TTC7A: variants seen among roughly 807,000 people sequenced by gnomAD.
TTC7A encodes tetratricopeptide repeat protein 7A.
In TTC7A, 110 loss-of-function variants were observed where a neutral mutation model predicts 103.7. The observed-to-expected ratio is 1.06, with a 90% CI of 0.91 to 1.24. The LOEUF (loss-of-function observed/expected upper bound fraction) is 1.24, where lower values mean the gene tolerates loss of function less well. Ranked by LOEUF, TTC7A falls within the 50% of genes most tolerant of loss-of-function variation. The probability of loss-of-function intolerance (pLI) is 0.00; values close to 1 mark genes in which losing one functional copy is unlikely to be tolerated. For missense variants in TTC7A, 1,340 were observed against 1,116.3 expected, an observed-to-expected ratio of 1.20 and a Z score of -2.86; for synonymous variants, 521 against 467.9, an observed-to-expected ratio of 1.11 and a Z score of -1.47.
At chr2:47,031,973 T>A (rs529800127) in intron 15 of TTC7A, among the ~76,000 whole-genome samples, 1 of 152,316 alleles carries the variant, frequency 6.6e-6, no homozygotes, top group Non-Finnish European at 1.5e-5. Context: ...TCCCAGGCTC[T>A]TGGACTGGGC....
intron 19 of TTC7A, 143 bp downstream of exon 19, chr2:47,061,114 T>C: frequency 1.2e-6 from 1 of 812,602 alleles, no homozygotes; most frequent in Non-Finnish European, 1.9e-6. Context: ...GGAGGGGGCT[T>C]CCCTCCTGCT....
rs1558499471 is a variant in TTC7A at position 46,950,404 on chromosome 2, C to T, written c.226C>T (p.Gln76Ter). 6.2e-7 allele frequency: 1 copy of T among 1,614,122 alleles called. No individual in the cohort carries two copies. Among genetic ancestry groups the T allele is most frequent in the Non-Finnish European group, 8.5e-7 (1 of 1,180,020 alleles). ...GCTGCTGGCTGAGGCCCTCCTGGAGCAGTGTTTGAAGGAGAACCATGCCAA... is the reference window on the plus strand; with the variant it reads ...GCTGCTGGCTGAGGCCCTCCTGGAGTAGTGTTTGAAGGAGAACCATGCCAA... Reference protein sequence around the residue: ...KLLLAEALLEQCLKENHAKIK... With the variant: ...KLLLAEALLE Residue 76 changes from glutamine (Q) to a stop codon, truncating the protein, a stop_gained, in exon 2 of 20, where the codon CAG (glutamine) becomes TAG (stop). Coordinates refer to ENST00000319190, the MANE Select transcript of TTC7A (RefSeq NM_020458.4). LOFTEE classifies it high-confidence loss of function.
rs764543484 is a variant in TTC7A at position 47,073,911 on chromosome 2, CAG to C, written c.2570_2571del (p.Glu857AlafsTer72). 6.2e-7 allele frequency: 1 copy of C among 1,611,932 alleles called. No individual in the cohort carries two copies. On this transcript the variant is annotated frameshift_variant, in exon 20 of 20. Coordinates refer to ENST00000319190, the MANE Select transcript of TTC7A (RefSeq NM_020458.4). LOFTEE classifies it high-confidence loss of function. ...SPVLPFSIIP[R>X]EL ...CTGTACTGCCCTTCTCCATCATCCC[CAG>C]AGAGCTCTGACGACGCTGCAGCCGC...
chr2:47,048,322 T>C (rs1315746575), intron 16 of TTC7A, among the ~76,000 whole-genome samples: 1 of 152,174 alleles, frequency 6.6e-6, no homozygotes, highest in Non-Finnish European at 1.5e-5. Context: ...GTCCTGGAGA[T>C]GGACTCTTTG....
At chr2:47,020,985 T>G (rs1303679659) in intron 11 of TTC7A, among the ~76,000 whole-genome samples, 4 of 152,210 alleles carry the variant, frequency 2.6e-5, no homozygotes, top group Non-Finnish European at 4.4e-5. Context: ...GCCCATGGCT[T>G]GGGGCTTTGA....
chr2:47,044,844 G>T (rs1226279404), intron 15 of TTC7A, among the ~76,000 whole-genome samples: 1 of 152,240 alleles, frequency 6.6e-6, no homozygotes, highest in Non-Finnish European at 1.5e-5. Flanking sequence ...GGAAAGATGG[G>T]CAGAGAGTAA....
intron 18 of TTC7A, among the ~76,000 whole-genome samples, chr2:47,056,516 G>A (rs1010715168): frequency 3.0e-4 from 46 of 152,228 alleles, no homozygotes. Context: ...CTGCAAAGGG[G>A]GTGTGGAAAT....
At chr2:46,977,749 G>T (rs1288925633) in intron 4 of TTC7A, among the ~76,000 whole-genome samples, 1 of 152,152 alleles carries the variant, frequency 6.6e-6, no homozygotes, top group East Asian at 1.9e-4. Flanking sequence ...ATTATTGATG[G>T]ATTGATTGGG....
At chr2:47,019,734 ATTTGC>A (rs72136538) in intron 11 of TTC7A, among the ~76,000 whole-genome samples, 17,535 of 152,084 alleles carry the variant, frequency 0.12, 1,331 homozygotes, top group African/African-American at 0.21. Flanking sequence ...TGAAGCTGGC[ATTTGC>A]TGAGCAGAAG....
intron 2 of TTC7A, among the ~76,000 whole-genome samples, chr2:46,953,957 C>G (rs1426171999): frequency 6.6e-6 from 1 of 152,056 alleles, no homozygotes; most frequent in Non-Finnish European, 1.5e-5. Flanking sequence ...GCCACTGTGC[C>G]CTGCCAAGCT....
intron 16 of TTC7A, 22 bp from the exon 17 acceptor site, chr2:47,049,927 C>T: frequency 2.5e-6 from 4 of 1,604,498 alleles, no homozygotes; most frequent in Non-Finnish European, 3.4e-6. Flanking sequence ...TTACCGGACC[C>T]TGGCCCTCTT....
intron 2 of TTC7A, among the ~76,000 whole-genome samples, chr2:46,954,121 A>G (rs1671639931): frequency 1.3e-5 from 2 of 152,196 alleles, no homozygotes; most frequent in Non-Finnish European, 2.9e-5. Context: ...CATGTGAAAG[A>G]TGGTGATCAC....
intron 16 of TTC7A, among the ~76,000 whole-genome samples, chr2:47,047,666 C>T (rs1046165839): frequency 2.0e-5 from 3 of 152,246 alleles, no homozygotes; most frequent in African/African-American, 7.2e-5. Flanking sequence ...ATCTGGATGG[C>T]TGCTTGTCTC....
intron 8 of TTC7A, among the ~76,000 whole-genome samples, chr2:46,995,709 G>A (rs992206498): frequency 2.6e-5 from 4 of 152,236 alleles, no homozygotes; most frequent in Admixed American, 1.3e-4. Flanking sequence ...AGGTAAGTGT[G>A]CCTATGGAAG....
intron 3 of TTC7A, 23 bp from the exon 4 acceptor site, chr2:46,974,950 G>A (rs1673723773): frequency 6.2e-7 from 1 of 1,611,568 alleles, no homozygotes. Context: ...GGACAGGTCT[G>A]AGGCACCCTC....
intron 8 of TTC7A, chr2:46,999,985 A>G (rs1676627806): frequency 2.3e-6 from 2 of 877,256 alleles, no homozygotes; most frequent in South Asian, 5.2e-5. Flanking sequence ...TGAATTTACC[A>G]TTCACAATCT....
upstream of TTC7A, among the ~76,000 whole-genome samples, chr2:46,939,930 C>G (rs1173774610): frequency 6.6e-6 from 1 of 152,192 alleles, no homozygotes; most frequent in Non-Finnish European, 1.5e-5. Context: ...ACCTCCTGGC[C>G]TCTGGGGGTT....
chr2:47,074,222 AC>A lies in TTC7A; in HGVS notation c.*302del. The A allele has an allele frequency of 2.3e-6, 1 of 434,026 alleles. No individual in the cohort carries two copies. Among genetic ancestry groups the A allele is most frequent in the Non-Finnish European group, 4.2e-6 (1 of 236,922 alleles). 26.9% of individuals were successfully genotyped at this position (434,026 alleles called of 1,614,324 possible). ...GCGGGGAGCCTCACAGCTGTCCTTC[AC>A]CCTCACCCATGCCTCTGGCTTGGAG... On this transcript the variant is annotated 3_prime_UTR_variant, in exon 20 of 20. Coordinates refer to ENST00000319190, the MANE Select transcript of TTC7A (RefSeq NM_020458.4).
intron 18 of TTC7A, among the ~76,000 whole-genome samples, chr2:47,055,786 C>T (rs1355700107): frequency 3.9e-5 from 6 of 152,146 alleles, no homozygotes; most frequent in Non-Finnish European, 8.8e-5. Flanking sequence ...CAGTTGGAGG[C>T]CACCCCAGGT....
Sources: allele counts gnomAD v4.1 joint callset (sites outside exome capture counted in the v4.1 genomes callset), GRCh38; gene constraint gnomAD v4.1.1; transcripts MANE v1.5; gene names NCBI Gene and HGNC (gene_info 2026-07-23, HGNC 2026-07-21).